Variants in ZNF407 observed in about 807,000 individuals in gnomAD.
The protein encoded by ZNF407 is zinc finger protein 407.
In ZNF407, 17 loss-of-function variants were observed where a neutral mutation model predicts 131.2. The ratio of observed to expected loss-of-function variants is 0.13; its 90% CI spans 0.09 to 0.19. The LOEUF (loss-of-function observed/expected upper bound fraction) is 0.19, where lower values mean the gene tolerates loss of function less well. Among genes scored for constraint, ZNF407 ranks in the 10% least tolerant of loss-of-function variants. The pLI, the probability that ZNF407 is intolerant of heterozygous loss-of-function variation, is 1.00. For missense variants in ZNF407, 2,681 were observed against 2,830.6 expected, an observed-to-expected ratio of 0.95 and a Z score of 1.20; for synonymous variants, 1,156 against 1,062.0, an observed-to-expected ratio of 1.09 and a Z score of -1.72.
chr18:74,996,055 CAA>C (rs1219730897), intron 8 of ZNF407, among the ~76,000 whole-genome samples: 4 of 152,126 alleles, frequency 2.6e-5, no homozygotes, highest in Admixed American at 2.6e-4. Context: ...GAAAACTACT[CAA>C]GTTTGGTTTT....
At chr18:74,639,630 A>G (rs1266898167) in intron 2 of ZNF407, among the ~76,000 whole-genome samples, 1 of 152,220 alleles carries the variant, frequency 6.6e-6, no homozygotes, top group African/African-American at 2.4e-5. Context: ...TTCAGGTGCT[A>G]AATATATTTT....
At chr18:75,013,928 T>G (rs937702267) in intron 8 of ZNF407, among the ~76,000 whole-genome samples, 4 of 152,114 alleles carry the variant, frequency 2.6e-5, no homozygotes, top group African/African-American at 9.7e-5. Context: ...TCTGTTTCGC[T>G]TGAGTTGTGA....
intron 3 of ZNF407, among the ~76,000 whole-genome samples, chr18:74,688,621 C>A (rs1272561518): frequency 6.6e-6 from 1 of 151,998 alleles, no homozygotes; most frequent in Non-Finnish European, 1.5e-5. Context: ...CATAGATTTT[C>A]TTCTATTTTT....
At chr18:74,875,744 C>T (rs535329885) in intron 4 of ZNF407, among the ~76,000 whole-genome samples, 20 of 152,126 alleles carry the variant, frequency 1.3e-4, no homozygotes, top group South Asian at 2.1e-4. Flanking sequence ...ATAGTAATTT[C>T]AAAGTTAGTC....
intron 4 of ZNF407, among the ~76,000 whole-genome samples, chr18:74,805,092 T>A (rs550278239): frequency 6.6e-6 from 1 of 152,294 alleles, no homozygotes; most frequent in South Asian, 2.1e-4. Flanking sequence ...TTTCCCCCCA[T>A]GTTGAAGTTC....
intron 8 of ZNF407, among the ~76,000 whole-genome samples, chr18:75,055,852 A>G (rs1458029211): frequency 6.6e-6 from 1 of 152,176 alleles, no homozygotes; most frequent in Non-Finnish European, 1.5e-5. Flanking sequence ...GCCCTGGTTT[A>G]TTGTAAATGT....
intron 8 of ZNF407, among the ~76,000 whole-genome samples, chr18:74,944,843 C>A (rs1289139435): frequency 6.6e-6 from 1 of 152,206 alleles, no homozygotes; most frequent in East Asian, 1.9e-4. Flanking sequence ...TGCCACGTCA[C>A]TATTCAAGTA....
At chr18:74,739,028 T>A (rs1280792653) in intron 3 of ZNF407, among the ~76,000 whole-genome samples, 2 of 152,132 alleles carry the variant, frequency 1.3e-5, no homozygotes, top group Non-Finnish European at 2.9e-5. Flanking sequence ...TGTTAGGAGC[T>A]GCTTGATTAG....
rs139722145 is a variant in ZNF407, at chr18:74,924,188, G to A, written c.5428+3496G>A. ...TAGAAGTCAGAGTTTATTTGCCCTT[G>A]TAGGCACCAGTCACTGAATGAAGTA... On this transcript the variant is annotated intron_variant, in intron 8 of 8. Transcript: ENST00000299687. 2.3e-3 allele frequency among the ~76,000 whole-genome samples: 357 copies of A among 152,264 alleles called. 3 individuals are homozygous for A. The highest frequency in any genetic ancestry group is 8.0e-3 in the African/African-American group (333 of 41,546).
chr18:74,869,079 C>G (rs1286572751), intron 4 of ZNF407, among the ~76,000 whole-genome samples: 1 of 152,112 alleles, frequency 6.6e-6, no homozygotes, highest in Non-Finnish European at 1.5e-5. Flanking sequence ...GAAATTAAGG[C>G]ATTTGGAATG....
rs1421262580 is a variant in ZNF407 at position 74,634,062 on chromosome 18, G to A, written c.3043G>A (p.Gly1015Ser). ...CTCCCAGAGAGATGTTACAGGCACA[G>A]GTGAGAATAAGTGTTTGCACTGTGA... is the stretch of plus-strand genomic sequence containing the variant. ...VYSQRDVTGT[G>S]ENKCLHCEFS... is the part of the protein sequence containing the mutation. The change falls in exon 2 of 9, where the codon GGT becomes AGT. Residue 1015 changes from glycine to serine, a missense_variant. By Grantham distance (56) the Gly-to-Ser change is moderately conservative (BLOSUM62 0). Coordinates refer to ENST00000299687, the MANE Select transcript of ZNF407 (RefSeq NM_017757.3). 5 of 1,614,072 alleles carry A rather than the reference G, an allele frequency of 3.1e-6. No individual in the cohort carries two copies. In the East Asian group the frequency reaches 6.7e-5, roughly 22 times the overall value.
At chr18:74,762,952 G>A (rs1011763311) in intron 3 of ZNF407, among the ~76,000 whole-genome samples, 2 of 151,940 alleles carry the variant, frequency 1.3e-5, no homozygotes. Flanking sequence ...TTTCTCTTGG[G>A]TAAATACCTA....
intron 4 of ZNF407, among the ~76,000 whole-genome samples, chr18:74,846,899 C>T: frequency 6.6e-6 from 1 of 151,712 alleles, no homozygotes; most frequent in African/African-American, 2.4e-5. Flanking sequence ...GAGGCTGAGG[C>T]AGGAGAATCA....
intron 8 of ZNF407, among the ~76,000 whole-genome samples, chr18:74,968,834 G>A (rs1262880739): frequency 6.6e-6 from 1 of 152,170 alleles, no homozygotes; most frequent in Non-Finnish European, 1.5e-5. Flanking sequence ...AAAGTTGGGA[G>A]GTTTGCAGCC....
intron 8 of ZNF407, among the ~76,000 whole-genome samples, chr18:74,951,979 A>G (rs1972219994): frequency 6.6e-6 from 1 of 152,192 alleles, no homozygotes; most frequent in Non-Finnish European, 1.5e-5. Context: ...TAGAAAATAC[A>G]TACAAAGTAG....
chr18:74,650,592 A>G (rs1985181782), intron 3 of ZNF407, among the ~76,000 whole-genome samples: 2 of 152,094 alleles, frequency 1.3e-5, no homozygotes, highest in South Asian at 2.1e-4. Flanking sequence ...TTGGTCATAC[A>G]CTTTAGGGTG....
intron 4 of ZNF407, among the ~76,000 whole-genome samples, chr18:74,808,106 G>A (rs1416441209): frequency 2.6e-5 from 4 of 151,934 alleles, no homozygotes; most frequent in Non-Finnish European, 4.4e-5. Flanking sequence ...TTCCGCCTCC[G>A]AGGTTCAGAT....
chr18:74,666,294 G>A (rs1038473218), intron 3 of ZNF407, among the ~76,000 whole-genome samples: 4 of 152,180 alleles, frequency 2.6e-5, no homozygotes, highest in East Asian at 1.9e-4. Flanking sequence ...AGCAGCCAGT[G>A]GAGGGGAGGG....
intron 8 of ZNF407, among the ~76,000 whole-genome samples, chr18:75,038,030 C>T (rs997305226): frequency 3.3e-5 from 5 of 152,164 alleles, no homozygotes; most frequent in Non-Finnish European, 4.4e-5. Context: ...CAAATCATAA[C>T]GTGAAGACTA....
Sources: allele counts gnomAD v4.1 joint callset (sites outside exome capture counted in the v4.1 genomes callset), GRCh38; gene constraint gnomAD v4.1.1; transcripts MANE v1.5; gene names NCBI Gene and HGNC (gene_info 2026-07-23, HGNC 2026-07-21).